SOCS2: variants seen among roughly 807,000 people sequenced by gnomAD.
SOCS2 encodes suppressor of cytokine signaling 2, also known as CIS-2.
SOCS2 carries 10 observed loss-of-function variants against 18.6 expected under a neutral mutation model. The observed-to-expected ratio is 0.54, with a 90% CI of 0.33 to 0.91. The LOEUF is 0.91. Among genes scored for constraint, SOCS2 ranks in the 40% least tolerant of loss-of-function variants. The pLI, the probability that SOCS2 is intolerant of heterozygous loss-of-function variation, is 0.02. For synonymous variants in SOCS2, 104 were observed against 104.0 expected (o/e 1.00, Z 0.00); for missense variants, 231 against 247.2 (o/e 0.93, Z 0.44).
chr12:93,579,490 G>A (rs138510220), downstream of SOCS2, among the ~76,000 whole-genome samples: 2 of 151,972 alleles, frequency 1.3e-5, no homozygotes, highest in African/African-American at 2.4e-5. Flanking sequence ...AGTATGGCAG[G>A]CTCCTTTTTC....
chr12:93,589,954 G>A, the SOCS2 span, among the ~76,000 whole-genome samples: 1 of 152,180 alleles, frequency 6.6e-6, no homozygotes, highest in Non-Finnish European at 1.5e-5. Flanking sequence ...GTACTGGATT[G>A]TTGAGATGGA....
chr12:93,611,051 T>C, the SOCS2 span, among the ~76,000 whole-genome samples: 2 of 152,130 alleles, frequency 1.3e-5, no homozygotes, highest in Non-Finnish European at 2.9e-5. Flanking sequence ...ACTCTCATTT[T>C]ATAAATCTTC....
At chr12:93,614,472 TTCC>T in the SOCS2 span, among the ~76,000 whole-genome samples, 102 of 84,748 alleles carry the variant, frequency 1.2e-3, 3 homozygotes, top group Middle Eastern at 5.2e-3. Flanking sequence ...CCTTCCTTCC[TTCC>T]TTCCTTTCCT....
chr12:93,622,931 T>TA, the SOCS2 span, among the ~76,000 whole-genome samples: 3,533 of 152,184 alleles, frequency 0.023, 150 homozygotes, highest in African/African-American at 0.08. Flanking sequence ...TTTTTTAAAA[T>TA]AAAAAAATCA....
chr12:93,610,834 C>A, the SOCS2 span, among the ~76,000 whole-genome samples: 1 of 152,176 alleles, frequency 6.6e-6, no homozygotes, highest in Non-Finnish European at 1.5e-5. Flanking sequence ...GACTTCTCAG[C>A]CTCTGAAACT....
the SOCS2 span, among the ~76,000 whole-genome samples, chr12:93,619,029 G>A: frequency 6.6e-6 from 1 of 152,152 alleles, no homozygotes; most frequent in African/African-American, 2.4e-5. Flanking sequence ...AAAGGAACCA[G>A]GTACAGAAAC....
At chr12:93,574,577 C>T (rs200006754) in intron 1 of SOCS2, 145 bp from the exon 2 acceptor site, 2 of 510,878 alleles carry the variant, frequency 3.9e-6, no homozygotes, top group Non-Finnish European at 6.6e-6. Flanking sequence ...TGTGGTGGCC[C>T]GGTAAACTTT....
At chr12:93,608,918 A>G in the SOCS2 span, among the ~76,000 whole-genome samples, 1 of 152,200 alleles carries the variant, frequency 6.6e-6, no homozygotes, top group African/African-American at 2.4e-5. Flanking sequence ...AATTTTCTAG[A>G]TGAGGATAAA....
chr12:93,574,796 A>G lies in SOCS2; in HGVS notation c.214A>G (p.Ile72Val). ...AGAGGCACCAGAAGGAACTTTCTTGATTAGAGATAGCTCGCATTCAGACTA... is the reference window on the plus strand; with the variant it reads ...AGAGGCACCAGAAGGAACTTTCTTGGTTAGAGATAGCTCGCATTCAGACTA... The part of the protein sequence containing the change: ...LKEAPEGTFL[I>V]RDSSHSDYLL... Residue 72 changes from isoleucine (I) to valine (V), a missense_variant, in exon 2 of 2, where the codon ATT (isoleucine) becomes GTT (valine). This residue lies in a region of SOCS2 where 106 missense variants were observed against 103.8 expected (regional missense o/e 1.02). Transcript: ENST00000551556. 1 of 1,614,186 alleles carries G rather than the reference A, an allele frequency of 6.2e-7. No homozygotes were observed. The highest frequency in any genetic ancestry group is 1.7e-5 in the Admixed American group (1 of 60,028).
intron 1 of SOCS2, chr12:93,573,268 G>GAAAT: frequency 1.7e-6 from 1 of 601,398 alleles, no homozygotes; most frequent in East Asian, 2.8e-5. Context: ...GAGCTTCTTG[G>GAAAT]AAATAGCTTC....
the SOCS2 span, among the ~76,000 whole-genome samples, chr12:93,592,025 T>G: frequency 3.3e-5 from 5 of 152,196 alleles, no homozygotes; most frequent in African/African-American, 1.2e-4. Flanking sequence ...AGTGATAACA[T>G]GCTCATGGTT....
In SOCS2 at chr12:93,574,897, A is replaced by T; in HGVS notation, c.315A>T (p.Arg105Ser). 6.2e-7 allele frequency: 1 copy of T among 1,614,238 alleles called. No individual in the cohort carries two copies. Among genetic ancestry groups the T allele is most frequent in the Non-Finnish European group, 8.5e-7 (1 of 1,180,040 alleles). The change falls in exon 2 of 2, where the codon AGA becomes AGT. Residue 105 changes from arginine to serine, a missense_variant. This residue lies in a region of SOCS2 where 122 missense variants were observed against 127.2 expected (regional missense o/e 0.96). Transcript: ENST00000551556. ...TCGAATACCAAGACGGAAAATTCAGATTGGACTCTATCATATGTGTCAAAT... is the reference window on the plus strand; with the variant it reads ...TCGAATACCAAGACGGAAAATTCAGTTTGGACTCTATCATATGTGTCAAAT... ...LRIEYQDGKF[R>S]LDSIICVKSK... is the part of the protein sequence containing the mutation.
upstream of SOCS2, chr12:93,570,917 G>A (rs1374254424): frequency 6.5e-6 from 1 of 152,838 alleles, no homozygotes; most frequent in Non-Finnish European, 1.5e-5. Flanking sequence ...TTCCTGGAAA[G>A]CCGCCTCCGC....
the SOCS2 span, among the ~76,000 whole-genome samples, chr12:93,608,788 C>T: frequency 0.015 from 2,303 of 152,228 alleles, 71 homozygotes; most frequent in African/African-American, 0.053. Flanking sequence ...ATGCATCCCA[C>T]TCGGTGCAAC....
At chr12:93,593,393 C>T in the SOCS2 span, among the ~76,000 whole-genome samples, 1 of 152,158 alleles carries the variant, frequency 6.6e-6, no homozygotes, top group Non-Finnish European at 1.5e-5. Context: ...ACAAATAGGG[C>T]TCAGCCTGAG....
In SOCS2 at chr12:93,575,221, C is replaced by A; in HGVS notation, c.*42C>A. 1 of 1,402,464 alleles carries A rather than the reference C, an allele frequency of 7.1e-7. No homozygotes were observed. Among genetic ancestry groups the A allele is most frequent in the East Asian group, 2.4e-5 (1 of 42,086 alleles). 86.9% of individuals were successfully genotyped at this position (1,402,464 alleles called of 1,614,324 possible). On this transcript the variant is annotated 3_prime_UTR_variant, in exon 2 of 2. Transcript: ENST00000551556. ...AAACATGTCTCACATAGAGTATCTC[C>A]GAATGCAGCTATGTAAAAGAGAACC... is the stretch of plus-strand genomic sequence containing the variant.
At chr12:93,585,122 C>A (rs1230237098), downstream of SOCS2, among the ~76,000 whole-genome samples, 1 of 152,030 alleles carries the variant, frequency 6.6e-6, no homozygotes, top group Non-Finnish European at 1.5e-5. Flanking sequence ...AACCCACAAG[C>A]TCTTCCCTAT....
chr12:93,615,636 C>T, the SOCS2 span, among the ~76,000 whole-genome samples: 5 of 152,224 alleles, frequency 3.3e-5, no homozygotes, highest in Non-Finnish European at 5.9e-5. Context: ...CGATCTGTCA[C>T]CCAGGCTGGA....
At chr12:93,582,462 G>A (rs1481176039) in intron 1 of SOCS2, among the ~76,000 whole-genome samples, 3 of 152,190 alleles carry the variant, frequency 2.0e-5, no homozygotes, top group South Asian at 2.1e-4. Flanking sequence ...GAGGGAGACC[G>A]GTTAAGTGTT....
Sources: allele counts gnomAD v4.1 joint callset (sites outside exome capture counted in the v4.1 genomes callset), GRCh38; gene constraint gnomAD v4.1.1; regional missense constraint gnomAD v4.1.1; transcripts MANE v1.5; gene names NCBI Gene and HGNC (gene_info 2026-07-23, HGNC 2026-07-21).